The following EPHA6 variants were observed in gnomAD, a reference collection of about 807,000 sequenced individuals.
EPHA6 encodes the protein EPH receptor A6, also known as ephrin type-A receptor 6.
EPHA6 carries 50 observed loss-of-function variants against 112.0 expected under a neutral mutation model. The observed-to-expected ratio is 0.45, with a 90% confidence interval of 0.36 to 0.56. The LOEUF (loss-of-function observed/expected upper bound fraction) is 0.56, where lower values mean the gene tolerates loss of function less well. EPHA6 is among the 20% of genes least tolerant of loss of function. The probability of loss-of-function intolerance (pLI) is 0.00; values close to 1 mark genes in which losing one functional copy is unlikely to be tolerated. For missense variants in EPHA6, 1,280 were observed against 1,417.4 expected (o/e 0.90, Z 1.56); for synonymous variants, 529 against 490.7 (o/e 1.08, Z -1.03).
intron 3 of EPHA6, among the ~76,000 whole-genome samples, chr3:97,014,068 C>T (rs1167528615): frequency 6.6e-6 from 1 of 151,948 alleles, no homozygotes; most frequent in Non-Finnish European, 1.5e-5. Flanking sequence ...TTTGAACTTT[C>T]TTATACTGTG....
At chr3:97,646,236 A>C (rs1002730588) in intron 14 of EPHA6, 17 of 1,535,452 alleles carry the variant, frequency 1.1e-5, no homozygotes, top group Non-Finnish European at 1.4e-5. Context: ...CCTCATGTGG[A>C]AGAGAAACAG....
At chr3:97,567,241 A>G (rs951091234) in intron 11 of EPHA6, among the ~76,000 whole-genome samples, 1 of 152,192 alleles carries the variant, frequency 6.6e-6, no homozygotes, top group Non-Finnish European at 1.5e-5. Flanking sequence ...AAATCATTTT[A>G]AAAATATATT....
At chr3:97,261,677 T>G (rs1007913411) in intron 5 of EPHA6, among the ~76,000 whole-genome samples, 1 of 152,296 alleles carries the variant, frequency 6.6e-6, no homozygotes, top group Admixed American at 6.5e-5. Flanking sequence ...AAGAACCTGT[T>G]CTTTGGAGTT....
At chr3:97,109,870 G>A (rs1023637272) in intron 3 of EPHA6, among the ~76,000 whole-genome samples, 1 of 152,102 alleles carries the variant, frequency 6.6e-6, no homozygotes, top group African/African-American at 2.4e-5. Flanking sequence ...GACAAGTACA[G>A]AAGTGATCAT....
At chr3:97,299,878 G>A (rs1011189751) in intron 5 of EPHA6, among the ~76,000 whole-genome samples, 1 of 152,132 alleles carries the variant, frequency 6.6e-6, no homozygotes, top group Non-Finnish European at 1.5e-5. Flanking sequence ...CACAAGGAAG[G>A]CATGACCTTT....
chr3:97,690,109 G>A (rs1197549863), intron 14 of EPHA6, among the ~76,000 whole-genome samples: 1 of 152,114 alleles, frequency 6.6e-6, no homozygotes, highest in Non-Finnish European at 1.5e-5. Context: ...GCAAATTTTT[G>A]TGTGGACACA....
chr3:97,315,481 C>G (rs995487928), intron 5 of EPHA6, among the ~76,000 whole-genome samples: 3 of 151,418 alleles, frequency 2.0e-5, no homozygotes, highest in African/African-American at 2.4e-5. Flanking sequence ...TGAGTGTGGC[C>G]CACTCTGTCA....
intron 3 of EPHA6, among the ~76,000 whole-genome samples, chr3:97,009,263 G>T (rs181735607): frequency 7.2e-5 from 11 of 152,278 alleles, no homozygotes; most frequent in Non-Finnish European, 1.0e-4. Flanking sequence ...TCCCCTAGGG[G>T]CTAAGGCCCA....
chr3:97,532,888 T>G (rs1442910721), intron 11 of EPHA6, among the ~76,000 whole-genome samples: 1 of 152,050 alleles, frequency 6.6e-6, no homozygotes, highest in Non-Finnish European at 1.5e-5. Context: ...TAAGGTAAAA[T>G]ATTTCTGTTT....
At chr3:97,070,691 G>A (rs765823298) in intron 3 of EPHA6, among the ~76,000 whole-genome samples, 3 of 152,118 alleles carry the variant, frequency 2.0e-5, no homozygotes, top group Non-Finnish European at 4.4e-5. Context: ...ATGTGCAAAT[G>A]TACAGAATAT....
chr3:96,866,524 A>G (rs2036322894), intron 1 of EPHA6, among the ~76,000 whole-genome samples: 1 of 151,948 alleles, frequency 6.6e-6, no homozygotes, highest in Non-Finnish European at 1.5e-5. Flanking sequence ...TAGTTATTTT[A>G]TCAGTTTTAA....
intron 14 of EPHA6, chr3:97,646,030 A>T: frequency 1.0e-6 from 1 of 978,890 alleles, no homozygotes; most frequent in Non-Finnish European, 1.4e-6. Flanking sequence ...AAATATCTTT[A>T]GAACAGTATG....
chr3:97,353,570 T>C (rs2083915275), intron 5 of EPHA6, among the ~76,000 whole-genome samples: 2 of 151,698 alleles, frequency 1.3e-5, no homozygotes, highest in Non-Finnish European at 2.9e-5. Context: ...TGGGAAGAAG[T>C]TTTTCTTGGG....
chr3:97,428,695 C>T (rs920483174), intron 6 of EPHA6, among the ~76,000 whole-genome samples: 7 of 151,732 alleles, frequency 4.6e-5, no homozygotes, highest in Non-Finnish European at 8.8e-5. Context: ...AGAGAGAGAA[C>T]GGGCTACAAG....
At chr3:97,160,525 C>T (rs2076390373) in intron 3 of EPHA6, among the ~76,000 whole-genome samples, 1 of 152,042 alleles carries the variant, frequency 6.6e-6, no homozygotes, top group South Asian at 2.1e-4. Flanking sequence ...AGTGATCTGC[C>T]TGTCTCAGCC....
At chr3:97,254,909 G>T (rs9917667) in intron 5 of EPHA6, among the ~76,000 whole-genome samples, 11,731 of 152,120 alleles carry the variant, frequency 0.077, 988 homozygotes, top group Admixed American at 0.21. Flanking sequence ...ACCATCCCCT[G>T]CATCGTCACT....
At chr3:97,233,393 A>G (rs141640319) in intron 4 of EPHA6, among the ~76,000 whole-genome samples, 7 of 152,138 alleles carry the variant, frequency 4.6e-5, no homozygotes, top group African/African-American at 9.6e-5. Context: ...GGGGAAGAAG[A>G]TCAGAAAAAT....
chr3:97,192,028 C>T (rs1380930011), intron 3 of EPHA6, among the ~76,000 whole-genome samples: 1 of 152,106 alleles, frequency 6.6e-6, no homozygotes. Context: ...GTTATTTTAA[C>T]TGGGGTGAGA....
chr3:97,379,281 TC>T, intron 5 of EPHA6, among the ~76,000 whole-genome samples: 1 of 152,268 alleles, frequency 6.6e-6, no homozygotes, highest in East Asian at 1.9e-4. Context: ...CTCTTTTCCT[TC>T]CCAGTCTTGT....
Sources: allele counts gnomAD v4.1 joint callset (sites outside exome capture counted in the v4.1 genomes callset), GRCh38; gene constraint gnomAD v4.1.1; transcripts MANE v1.5; gene names NCBI Gene and HGNC (gene_info 2026-07-23, HGNC 2026-07-21).